RAI14: variants seen among roughly 807,000 people sequenced by gnomAD.
RAI14 encodes the protein retinoic acid induced 14.
Under a neutral mutation model 115.4 loss-of-function variants are expected in RAI14, and 45 were observed. That is an observed-to-expected ratio of 0.39 (90% CI 0.31 to 0.50). The LOEUF is 0.50. RAI14 is among the 20% of genes least tolerant of loss of function. RAI14 has a pLI of 0.85. For synonymous variants in RAI14, 371 were observed against 415.4 expected (o/e 0.89, Z 1.30); for missense variants, 939 against 1,131.2 (o/e 0.83, Z 2.44).
At chr5:34,811,249 C>A in intron 8 of RAI14, 131 bp downstream of exon 8, 1 of 1,058,040 alleles carries the variant, frequency 9.5e-7, no homozygotes, top group Non-Finnish European at 1.3e-6. Context: ...TTTTAAAGTT[C>A]TACTGTTTCT....
At chr5:34,690,061 C>T (rs972857210) in intron 2 of RAI14, among the ~76,000 whole-genome samples, 2 of 152,124 alleles carry the variant, frequency 1.3e-5, no homozygotes, top group African/African-American at 2.4e-5. Context: ...TGCTGCCGAA[C>T]AGGGAAACTG....
intron 3 of RAI14, among the ~76,000 whole-genome samples, chr5:34,765,174 A>G (rs1425422737): frequency 6.6e-6 from 1 of 152,184 alleles, no homozygotes; most frequent in Non-Finnish European, 1.5e-5. Context: ...ATATGTCTTT[A>G]TCAGCAGCAT....
intron 3 of RAI14, among the ~76,000 whole-genome samples, chr5:34,767,533 C>T (rs897567195): frequency 1.3e-5 from 2 of 152,102 alleles, no homozygotes; most frequent in African/African-American, 2.4e-5. Context: ...TTTAGAAGCA[C>T]TTCTGCTTTC....
At chr5:34,674,121 A>G (rs890308676) in intron 1 of RAI14, among the ~76,000 whole-genome samples, 6 of 152,260 alleles carry the variant, frequency 3.9e-5, no homozygotes, top group African/African-American at 1.4e-4. Context: ...CAAAAAAAAA[A>G]TCCTTTTTTT....
intron 12 of RAI14, among the ~76,000 whole-genome samples, chr5:34,815,347 C>T (rs1255073276): frequency 6.6e-6 from 1 of 151,436 alleles, no homozygotes; most frequent in East Asian, 1.9e-4. Flanking sequence ...CGCCACTGCA[C>T]TCTAGCTTGG....
intron 2 of RAI14, chr5:34,716,835 A>G (rs569466002): frequency 1.3e-5 from 2 of 152,290 alleles, no homozygotes; most frequent in East Asian, 3.9e-4. Flanking sequence ...TTAGGCCAGA[A>G]ATCCATGGAG....
At chr5:34,743,411 T>A (rs947286585) in intron 2 of RAI14, among the ~76,000 whole-genome samples, 1 of 152,212 alleles carries the variant, frequency 6.6e-6, no homozygotes, top group Non-Finnish European at 1.5e-5. Context: ...CTCTGTTCCA[T>A]TTCTAAGGAT....
In RAI14 at chr5:34,726,698, G is replaced by A. The variant is rs141383823; in HGVS notation, c.37-30770G>A. 6.7e-3 allele frequency among the ~76,000 whole-genome samples: 1,026 copies of A among 152,046 alleles called. 9 individuals carry two copies. The highest frequency in any genetic ancestry group is 0.014 in the Middle Eastern group (4 of 294). On this transcript the variant is annotated intron_variant, in intron 2 of 17. Transcript: ENST00000265109. ...TTTTTCCCGTGCTGTTCTCAGGATA[G>A]TGAATAAGTCCCATGAGATCTGATG...
At position 34,757,976 on chromosome 5, in the gene RAI14, A is replaced by G. The variant is rs1580156218; in HGVS notation, c.167+378A>G. ...TTGTTTATTTATTTGATCTTCCTTA[A>G]CATAGATCATTAAGTACATGAGTAG... On this transcript the variant is annotated intron_variant, in intron 3 of 17. Coordinates refer to ENST00000265109, the MANE Select transcript of RAI14 (RefSeq NM_015577.3). 5 of 159,686 alleles carry G rather than the reference A, an allele frequency of 3.1e-5. No individual in the cohort carries two copies. The East Asian group carries it at 7.4e-4, about 24-fold the overall frequency. The allele number at this position is 159,686 out of a possible 1,614,324, so 9.9% of individuals were successfully genotyped here. A position where few individuals can be genotyped will look rare whatever the true frequency, so the allele number is the denominator to read the frequency against.
At chr5:34,730,548 C>T (rs1047126608) in intron 2 of RAI14, among the ~76,000 whole-genome samples, 3 of 152,030 alleles carry the variant, frequency 2.0e-5, no homozygotes, top group African/African-American at 4.8e-5. Flanking sequence ...TAGTGGCATG[C>T]ACCTGTAGTC....
chr5:34,811,060 A>T lies in RAI14; in HGVS notation c.499A>T (p.Ile167Phe), dbSNP rs373839880. Residue 167 changes from isoleucine to phenylalanine, a missense_variant, in exon 8 of 18, where the codon ATC (isoleucine) becomes TTC (phenylalanine). By Grantham distance (21) the Ile-to-Phe change is conservative. Coordinates refer to ENST00000265109, the MANE Select transcript of RAI14 (RefSeq NM_015577.3). Reference sequence around the variant, plus strand: ...TGCTGTACAAAATGGTCACAGTGAGATCTGTCACTTTCTCCTGGATCATGG... The same window carrying T: ...TGCTGTACAAAATGGTCACAGTGAGTTCTGTCACTTTCTCCTGGATCATGG... ...LLAVQNGHSE[I>F]CHFLLDHGAD... 1 of 1,614,108 alleles carries T rather than the reference A, an allele frequency of 6.2e-7. No individual in the cohort carries two copies. The highest frequency in any genetic ancestry group is 8.5e-7 in the Non-Finnish European group (1 of 1,180,010).
intron 2 of RAI14, among the ~76,000 whole-genome samples, chr5:34,746,267 G>C (rs1288030864): frequency 6.6e-6 from 1 of 151,140 alleles, no homozygotes; most frequent in African/African-American, 2.4e-5. Flanking sequence ...CACCATGCCC[G>C]GCTAATTTTT....
intron 3 of RAI14, among the ~76,000 whole-genome samples, chr5:34,779,352 A>G (rs1226017418): frequency 6.6e-6 from 1 of 152,198 alleles, no homozygotes; most frequent in Admixed American, 6.5e-5. Flanking sequence ...TATTCAACAT[A>G]GTGTTGGAAG....
At chr5:34,806,249 G>GGCCTGGGGCAGAGCAAGTAAGGA (rs1327200624) in intron 5 of RAI14, among the ~76,000 whole-genome samples, 2 of 152,158 alleles carry the variant, frequency 1.3e-5, no homozygotes, top group African/African-American at 4.8e-5. Context: ...CCAATGTGTG[G>GGCCTGGGGCAGAGCAAGTAAGGA]GCCTGGGGCA....
rs372845745 is a variant in RAI14, at chr5:34,695,433, C to T, written c.36+8478C>T. ...CCCAGGAACCCCAGCCTTTCTCTGG[C>T]GTCCTCTGTTACCCTCTAGAGCTGC... On this transcript the variant is annotated intron_variant, in intron 2 of 17. Coordinates refer to ENST00000265109, the MANE Select transcript of RAI14 (RefSeq NM_015577.3). Among the ~76,000 whole-genome samples, 5 of 152,306 alleles carry T rather than the reference C, an allele frequency of 3.3e-5. No individual in the cohort carries two copies. The East Asian group carries it at 7.7e-4, about 24-fold the overall frequency.
chr5:34,700,175 G>A (rs1364296256), intron 2 of RAI14, among the ~76,000 whole-genome samples: 1 of 152,186 alleles, frequency 6.6e-6, no homozygotes, highest in Non-Finnish European at 1.5e-5. Flanking sequence ...TTTAGCCTAG[G>A]TTGGCTGTGC....
At chr5:34,731,142 C>A (rs945990821) in intron 2 of RAI14, among the ~76,000 whole-genome samples, 2 of 152,142 alleles carry the variant, frequency 1.3e-5, no homozygotes, top group Non-Finnish European at 2.9e-5. Flanking sequence ...AAGGGAAATA[C>A]AACAAAATGC....
intron 2 of RAI14, among the ~76,000 whole-genome samples, chr5:34,739,670 C>G (rs1352194601): frequency 6.6e-6 from 1 of 152,118 alleles, no homozygotes; most frequent in African/African-American, 2.4e-5. Flanking sequence ...CTGCTTGAGT[C>G]TTTTCCTCAG....
intron 10 of RAI14, among the ~76,000 whole-genome samples, chr5:34,812,665 C>CA (rs372158532): frequency 2.4e-4 from 35 of 146,064 alleles, no homozygotes; most frequent in East Asian, 8.0e-4. Context: ...AACTCCGTCT[C>CA]AAAAAAAAAA....
Sources: gnomAD v4.1 joint callset for allele counts (sites outside exome capture counted in the v4.1 genomes callset) on GRCh38, gnomAD v4.1.1 for gene constraint, MANE v1.5 for transcripts, NCBI Gene and HGNC (gene_info 2026-07-23, HGNC 2026-07-21) for gene names.